Variants in PCBP3 observed in about 807,000 individuals in gnomAD.
The protein encoded by PCBP3 is poly(rC)-binding protein 3.
A neutral mutation model predicts 52.7 loss-of-function variants in PCBP3; 25 were observed. The ratio of observed to expected loss-of-function variants is 0.47; its 90% CI spans 0.35 to 0.66. The LOEUF is 0.66. Ranked by LOEUF, PCBP3 falls within the 30% of genes least tolerant of loss-of-function variation. PCBP3 has a pLI of 0.01. For missense variants in PCBP3, 391 were observed against 490.3 expected (o/e 0.80, Z 1.91); for synonymous variants, 162 against 183.0 (o/e 0.89, Z 0.93).
Position 45,930,896 on chromosome 21 carries a change from G to A in PCBP3, c.856+51G>A, listed in dbSNP as rs368276233. ...GAACAGGCCAGGGCAGCAGAGCAGA[G>A]CCCCAGTGGGAGGAGGTGTGGGGGC... On this transcript the variant is annotated intron_variant, in intron 15 of 17. Transcript: ENST00000681687. 4 of 1,607,796 alleles carry A rather than the reference G, an allele frequency of 2.5e-6. No individual in the cohort carries two copies. In the East Asian group the frequency reaches 6.7e-5, roughly 27 times the overall value.
At chr21:45,828,506 G>A (rs949001773) in intron 4 of PCBP3, 1 of 152,238 alleles carries the variant, frequency 6.6e-6, no homozygotes. Flanking sequence ...GCTGAAATGG[G>A]AAATGCTGGG....
intron 2 of PCBP3, among the ~76,000 whole-genome samples, chr21:45,693,484 C>G (rs2082600539): frequency 6.6e-6 from 1 of 152,026 alleles, no homozygotes; most frequent in South Asian, 2.1e-4. Flanking sequence ...GATGGAAATG[C>G]CCTGTCTTAG....
At position 45,921,378 on chromosome 21, in the gene PCBP3, G is replaced by T. The variant is rs144908095; in HGVS notation, c.717+3749G>T. Among the ~76,000 whole-genome samples, 79 of 152,342 alleles carry T rather than the reference G, an allele frequency of 5.2e-4. 1 individual carries two copies. The East Asian group carries it at 0.014, about 27-fold the overall frequency. On this transcript the variant is annotated intron_variant, in intron 13 of 17. Coordinates refer to ENST00000681687, the MANE Select transcript of PCBP3 (RefSeq NM_001384156.1). ...ATTTGACCTGGATGTGTGGGCCCAT[G>T]AATAAGAAACATCAAGCATAAGAAA...
At chr21:45,874,356 T>C (rs1280807842) in intron 5 of PCBP3, among the ~76,000 whole-genome samples, 1 of 152,206 alleles carries the variant, frequency 6.6e-6, no homozygotes, top group Non-Finnish European at 1.5e-5. Context: ...CAATGAAAAA[T>C]ATGTTTTCTA....
At chr21:45,689,225 G>A (rs2082326686) in intron 2 of PCBP3, among the ~76,000 whole-genome samples, 1 of 152,044 alleles carries the variant, frequency 6.6e-6, no homozygotes, top group African/African-American at 2.4e-5. Flanking sequence ...AACTCAGGAA[G>A]ATAGGTAGGT....
intron 1 of PCBP3, among the ~76,000 whole-genome samples, chr21:45,659,782 C>T (rs1393115648): frequency 5.3e-5 from 8 of 152,088 alleles, no homozygotes; most frequent in Admixed American, 5.2e-4. Context: ...TTACTGATTT[C>T]TATTTTTTTC....
At chr21:45,874,375 A>T (rs1397228297) in intron 5 of PCBP3, among the ~76,000 whole-genome samples, 4 of 152,132 alleles carry the variant, frequency 2.6e-5, no homozygotes, top group African/African-American at 9.7e-5. Context: ...TAATTCTCGG[A>T]TCTTCTTTAA....
At chr21:45,876,419 T>C (rs1468858153) in intron 5 of PCBP3, among the ~76,000 whole-genome samples, 2 of 152,200 alleles carry the variant, frequency 1.3e-5, no homozygotes, top group Non-Finnish European at 2.9e-5. Flanking sequence ...GAGACCAGTG[T>C]GGCTGGGCCG....
intron 4 of PCBP3, among the ~76,000 whole-genome samples, chr21:45,818,874 T>G (rs188193266): frequency 6.6e-6 from 1 of 152,204 alleles, no homozygotes; most frequent in Admixed American, 6.5e-5. Context: ...GGAGGAACCT[T>G]GAATGCGTGT....
chr21:45,819,736 G>A (rs187276608), intron 4 of PCBP3, among the ~76,000 whole-genome samples: 123 of 152,374 alleles, frequency 8.1e-4, no homozygotes, highest in Non-Finnish European at 1.4e-3. Flanking sequence ...CAAGGCCGGG[G>A]CCAGAGGGCT....
chr21:45,652,442 C>CTTTT (rs377230019), intron 1 of PCBP3, among the ~76,000 whole-genome samples: 1 of 135,620 alleles, frequency 7.4e-6, no homozygotes, highest in Non-Finnish European at 1.6e-5. Flanking sequence ...ATTCTGATGG[C>CTTTT]TTTTTTTTTT....
chr21:45,882,365 A>T (rs980553742), intron 5 of PCBP3, among the ~76,000 whole-genome samples: 4 of 152,174 alleles, frequency 2.6e-5, no homozygotes, highest in African/African-American at 7.2e-5. Flanking sequence ...CCATTTTTTT[A>T]AAATCTGGTA....
At chr21:45,893,086 G>A (rs1052220669) in intron 5 of PCBP3, among the ~76,000 whole-genome samples, 12 of 152,136 alleles carry the variant, frequency 7.9e-5, no homozygotes, top group African/African-American at 2.7e-4. Flanking sequence ...TTCTAGGCCC[G>A]GGCAGAGAGG....
At chr21:45,745,534 G>A (rs142753060) in intron 3 of PCBP3, among the ~76,000 whole-genome samples, 1 of 152,346 alleles carries the variant, frequency 6.6e-6, no homozygotes, top group East Asian at 1.9e-4. Flanking sequence ...GTGTGTTCTA[G>A]CCTGTGGATG....
intron 2 of PCBP3, among the ~76,000 whole-genome samples, chr21:45,674,221 T>C (rs1425004345): frequency 6.6e-6 from 1 of 152,222 alleles, no homozygotes; most frequent in African/African-American, 2.4e-5. Flanking sequence ...CAATGTTTAG[T>C]TGATGTTGTT....
chr21:45,747,903 A>T (rs1890838681), intron 3 of PCBP3: 1 of 151,240 alleles, frequency 6.6e-6, no homozygotes, highest in Non-Finnish European at 1.5e-5. Flanking sequence ...TTTCCCTCTC[A>T]CCGGGATTTG....
intron 4 of PCBP3, among the ~76,000 whole-genome samples, chr21:45,825,775 G>A (rs1314288064): frequency 6.6e-6 from 1 of 152,160 alleles, no homozygotes; most frequent in African/African-American, 2.4e-5. Context: ...GCAGGGCATC[G>A]AGGTTGCCCC....
intron 4 of PCBP3, among the ~76,000 whole-genome samples, chr21:45,772,389 A>G (rs2089941301): frequency 1.3e-5 from 2 of 152,154 alleles, no homozygotes; most frequent in South Asian, 4.1e-4. Flanking sequence ...TGCAACTGAC[A>G]TGGTTTTATT....
chr21:45,784,952 T>A (rs1441780791), intron 4 of PCBP3, among the ~76,000 whole-genome samples: 1 of 148,908 alleles, frequency 6.7e-6, no homozygotes, highest in Admixed American at 6.7e-5. Context: ...CCCCTCTGCC[T>A]GGCTGCCCAG....
Sources: gnomAD v4.1 joint callset for allele counts (sites outside exome capture counted in the v4.1 genomes callset) on GRCh38, gnomAD v4.1.1 for gene constraint, MANE v1.5 for transcripts, NCBI Gene and HGNC (gene_info 2026-07-23, HGNC 2026-07-21) for gene names.